The following RAB7A variants were observed in gnomAD, a reference collection of about 807,000 sequenced individuals.
RAB7A encodes the protein RAB7A, member RAS oncogene family.
Under a neutral mutation model 24.5 loss-of-function variants are expected in RAB7A, and 2 were observed. That is an observed-to-expected ratio of 0.08 (90% CI 0.03 to 0.26). The LOEUF is 0.26. Ranked by LOEUF, RAB7A falls within the 10% of genes least tolerant of loss-of-function variation. The pLI is 1.00. For missense variants in RAB7A, 118 were observed against 255.7 expected, an observed-to-expected ratio of 0.46 and a Z score of 3.67; for synonymous variants, 100 against 95.9, an observed-to-expected ratio of 1.04 and a Z score of -0.25.
At chr3:128,736,818 C>T (rs143065395) in intron 1 of RAB7A, among the ~76,000 whole-genome samples, 392 of 152,182 alleles carry the variant, frequency 2.6e-3, no homozygotes, top group African/African-American at 9.0e-3. Flanking sequence ...TGTGATCCTA[C>T]ATGTGTGGAC....
intron 1 of RAB7A, among the ~76,000 whole-genome samples, chr3:128,755,282 A>AG (rs1381614136): frequency 1.3e-5 from 2 of 152,214 alleles, no homozygotes; most frequent in Non-Finnish European, 2.9e-5. Flanking sequence ...AAGGGCAATT[A>AG]GAAAAAAAAG....
chr3:128,808,381 A>T (rs989387540), intron 5 of RAB7A, among the ~76,000 whole-genome samples: 4 of 151,784 alleles, frequency 2.6e-5, no homozygotes, highest in African/African-American at 9.7e-5. Context: ...AAATTAAAAT[A>T]AAAAAAATTA....
At chr3:128,808,302 G>T (rs953344742) in intron 5 of RAB7A, among the ~76,000 whole-genome samples, 2 of 152,154 alleles carry the variant, frequency 1.3e-5, no homozygotes, top group African/African-American at 4.8e-5. Flanking sequence ...AGAGGTTGCA[G>T]TGAGCCAAGA....
chr3:128,768,548 GTGTTTTGTTTTGTTT>G (rs141242223), intron 1 of RAB7A, among the ~76,000 whole-genome samples: 1 of 151,944 alleles, frequency 6.6e-6, no homozygotes, highest in Non-Finnish European at 1.5e-5. Context: ...TAAAGTGTGC[GTGTTTTGTTTTGTTT>G]TGTTTTGTTT....
chr3:128,757,900 C>T (rs557041105), intron 1 of RAB7A, among the ~76,000 whole-genome samples: 56 of 152,348 alleles, frequency 3.7e-4, no homozygotes, highest in African/African-American at 1.2e-3. Flanking sequence ...CTTAAGCAGT[C>T]TTCCTGCCTC....
intron 5 of RAB7A, among the ~76,000 whole-genome samples, chr3:128,813,060 G>C (rs144715094): frequency 6.6e-6 from 1 of 152,242 alleles, no homozygotes; most frequent in Non-Finnish European, 1.5e-5. Flanking sequence ...TGATTGCTCA[G>C]TGCAGACTGC....
Position 128,747,313 on chromosome 3 carries a change from G to T in RAB7A, c.-9+20954G>T, listed in dbSNP as rs868469615. ...TCTCTTAAAAAATAATCGGCCGGGC[G>T]CAGTGGCTCACGCCTGTAATCCCAG... is the stretch of plus-strand genomic sequence containing the variant. On this transcript the variant is annotated intron_variant, in intron 1 of 5. Coordinates refer to ENST00000265062, the MANE Select transcript of RAB7A (RefSeq NM_004637.6). Among the ~76,000 whole-genome samples the T allele has an allele frequency of 2.0e-4, 30 of 151,200 alleles. 1 individual carries two copies. The highest frequency in any genetic ancestry group is 7.1e-4 in the African/African-American group (29 of 40,760).
At chr3:128,813,218 C>T (rs1933964538) in intron 5 of RAB7A, 109 bp from the exon 6 acceptor site, 2 of 1,015,030 alleles carry the variant, frequency 2.0e-6, no homozygotes, top group African/African-American at 1.6e-5. Flanking sequence ...GCTCCCCGCC[C>T]ACTCTGCCCA....
chr3:128,795,751 C>CCTTTTTTTTTT (rs1933554776), intron 2 of RAB7A, among the ~76,000 whole-genome samples: 2 of 43,040 alleles, frequency 4.6e-5, no homozygotes, highest in Non-Finnish European at 9.4e-5. Flanking sequence ...AGCAGATGTG[C>CCTTTTTTTTTT]TTTTTTTTTT....
At chr3:128,743,373 A>G (rs901182213) in intron 1 of RAB7A, among the ~76,000 whole-genome samples, 13 of 152,232 alleles carry the variant, frequency 8.5e-5, no homozygotes, top group Non-Finnish European at 1.5e-4. Context: ...GGGCTCCCAC[A>G]GTACAGCAGC....
intron 1 of RAB7A, among the ~76,000 whole-genome samples, chr3:128,767,546 T>G (rs1427574778): frequency 3.3e-5 from 5 of 152,124 alleles, no homozygotes; most frequent in Non-Finnish European, 7.4e-5. Flanking sequence ...AGGGAAAGAT[T>G]TGTATGGCTG....
At chr3:128,742,079 A>G (rs1026441509) in intron 1 of RAB7A, among the ~76,000 whole-genome samples, 7 of 152,106 alleles carry the variant, frequency 4.6e-5, no homozygotes, top group Middle Eastern at 3.4e-3. Context: ...TGATGTTCGG[A>G]CATGTTCAGA....
chr3:128,758,218 C>T (rs1039886957), intron 1 of RAB7A, among the ~76,000 whole-genome samples: 2 of 151,718 alleles, frequency 1.3e-5, no homozygotes, highest in African/African-American at 4.8e-5. Flanking sequence ...CCTGCCCTAG[C>T]CTGTCAAATT....
chr3:128,758,085 C>T (rs1263482699), intron 1 of RAB7A, among the ~76,000 whole-genome samples: 2 of 152,046 alleles, frequency 1.3e-5, no homozygotes, highest in Non-Finnish European at 2.9e-5. Context: ...TCCTTGGCTT[C>T]GCAAATCACT....
At chr3:128,796,092 G>T (rs1933569434) in intron 2 of RAB7A, among the ~76,000 whole-genome samples, 3 of 152,114 alleles carry the variant, frequency 2.0e-5, no homozygotes, top group Admixed American at 2.0e-4. Context: ...TCCTCCTGCT[G>T]CTGTGCCTGC....
In RAB7A at chr3:128,814,702, T is replaced by C. The variant is rs1934004292; in HGVS notation, c.*1280T>C. 1 of 152,676 alleles carries C rather than the reference T, an allele frequency of 6.5e-6. No individual in the cohort carries two copies. Among genetic ancestry groups the C allele is most frequent in the Non-Finnish European group, 1.5e-5 (1 of 68,044 alleles). 9.5% of individuals were successfully genotyped at this position (152,676 alleles called of 1,614,324 possible). On this transcript the variant is annotated 3_prime_UTR_variant, in exon 6 of 6. Coordinates refer to ENST00000265062, the MANE Select transcript of RAB7A (RefSeq NM_004637.6). Reference sequence around the variant, plus strand: ...CATTGTAGCTTGCTTAACGGAGCACTTCTCCTTTTTCCAAAGGTCTACATT... The same window carrying C: ...CATTGTAGCTTGCTTAACGGAGCACCTCTCCTTTTTCCAAAGGTCTACATT...
At chr3:128,758,026 G>A (rs1363594060) in intron 1 of RAB7A, among the ~76,000 whole-genome samples, 1 of 150,550 alleles carries the variant, frequency 6.6e-6, no homozygotes, top group Non-Finnish European at 1.5e-5. Context: ...ACAGTGGTGC[G>A]ATTGTAGCTC....
chr3:128,737,857 T>G (rs1204468821), intron 1 of RAB7A, among the ~76,000 whole-genome samples: 2 of 129,684 alleles, frequency 1.5e-5, no homozygotes, highest in South Asian at 2.4e-4. Context: ...TTTTTTTTTT[T>G]AAGAGATAGA....
chr3:128,811,214 A>T (rs1278838615), intron 5 of RAB7A, among the ~76,000 whole-genome samples: 1 of 152,040 alleles, frequency 6.6e-6, no homozygotes, highest in Non-Finnish European at 1.5e-5. Context: ...ATAACCTCCA[A>T]CTTCTGGGCT....
Sources: gnomAD v4.1 joint callset for allele counts (sites outside exome capture counted in the v4.1 genomes callset) on GRCh38, gnomAD v4.1.1 for gene constraint, MANE v1.5 for transcripts, NCBI Gene and HGNC (gene_info 2026-07-23, HGNC 2026-07-21) for gene names.